Variants in STON2 observed in about 807,000 individuals in gnomAD.
The protein encoded by STON2 is stonin-2.
Under a neutral mutation model 65.7 loss-of-function variants are expected in STON2, and 29 were observed. That is an observed-to-expected ratio of 0.44 (90% CI 0.33 to 0.60). STON2 has a LOEUF of 0.60. Ranked by LOEUF, STON2 falls within the 20% of genes least tolerant of loss-of-function variation. The pLI is 0.03. For missense variants in STON2, 1,054 were observed against 1,118.1 expected (o/e 0.94, Z 0.82); for synonymous variants, 404 against 414.2 (o/e 0.98, Z 0.30).
chr14:81,283,939 C>T (rs992348311), intron 5 of STON2, among the ~76,000 whole-genome samples: 1 of 152,194 alleles, frequency 6.6e-6, no homozygotes, highest in African/African-American at 2.4e-5. Context: ...TGGTAATTCT[C>T]GCAACATTCA....
At chr14:81,349,220 G>C (rs1161848519) in intron 4 of STON2, among the ~76,000 whole-genome samples, 1 of 152,010 alleles carries the variant, frequency 6.6e-6, no homozygotes, top group Non-Finnish European at 1.5e-5. Context: ...ATAGGCAACA[G>C]AAGCAAAAAT....
chr14:81,281,709 C>T lies in STON2; in HGVS notation c.743-2970G>A, dbSNP rs184365749. The stretch of plus-strand genomic sequence containing the variant: ...AAAGGCCTTTGTCCCTACTGAAGAT[C>T]ATTTTCTTACAATAAATTCCTTTTC... On this transcript the variant is annotated intron_variant, in intron 5 of 7. Transcript: ENST00000614646. Among the ~76,000 whole-genome samples, 158 of 152,292 alleles carry T rather than the reference C, an allele frequency of 1.0e-3. 1 individual carries two copies. The Middle Eastern group carries it at 0.014, about 13-fold the overall frequency.
Position 81,429,821 on chromosome 14 carries a change from G to A in STON2, c.-309-2609C>T, listed in dbSNP as rs143906305. 2.4e-4 allele frequency among the ~76,000 whole-genome samples: 37 copies of A among 151,984 alleles called. 1 individual carries two copies. The East Asian group carries it at 6.8e-3, about 28-fold the overall frequency. ...GTGATGGTGGGCGCCTGTAATCCCC[G>A]CTACTCGGCAGGCTGAGGCAGGAGA... On this transcript the variant is annotated intron_variant, in intron 1 of 8. Transcript: ENST00000553821.
At chr14:81,302,376 G>A (rs1043530106) in intron 5 of STON2, among the ~76,000 whole-genome samples, 3 of 152,228 alleles carry the variant, frequency 2.0e-5, no homozygotes, top group Non-Finnish European at 4.4e-5. Context: ...GTGATGGAAA[G>A]TCTCACTTGG....
At chr14:81,281,123 C>G (rs1178010388) in intron 5 of STON2, among the ~76,000 whole-genome samples, 6 of 151,836 alleles carry the variant, frequency 4.0e-5, no homozygotes, top group Non-Finnish European at 8.8e-5. Flanking sequence ...GAGCGAAAAG[C>G]ATTTTCTATA....
At chr14:81,318,429 G>C (rs1215108732) in intron 5 of STON2, among the ~76,000 whole-genome samples, 1 of 152,106 alleles carries the variant, frequency 6.6e-6, no homozygotes, top group Non-Finnish European at 1.5e-5. Context: ...TTCCAAAGCA[G>C]GAAAAAATGC....
chr14:81,396,286 A>G, intron 2 of STON2, 108 bp from the exon 3 acceptor site: 1 of 1,020,946 alleles, frequency 9.8e-7, no homozygotes, highest in Non-Finnish European at 1.4e-6. Flanking sequence ...ATGACTCGCC[A>G]CTGCAGTGAG....
intron 2 of STON2, among the ~76,000 whole-genome samples, chr14:81,415,616 G>T (rs955672880): frequency 5.2e-5 from 7 of 134,902 alleles, no homozygotes; most frequent in African/African-American, 1.8e-4. Flanking sequence ...GTGGCAGTGA[G>T]CCAAGATCGC....
At chr14:81,280,736 C>A (rs1271033122) in intron 5 of STON2, among the ~76,000 whole-genome samples, 1 of 152,150 alleles carries the variant, frequency 6.6e-6, no homozygotes, top group Non-Finnish European at 1.5e-5. Context: ...CTAGGCCGGG[C>A]ACGGTGGCTC....
chr14:81,337,675 A>G (rs1162975058), intron 4 of STON2, among the ~76,000 whole-genome samples: 1 of 152,184 alleles, frequency 6.6e-6, no homozygotes, highest in African/African-American at 2.4e-5. Flanking sequence ...GAAAAAGCCT[A>G]AGACGTCAGC....
At chr14:81,429,463 T>A (rs914954090) in intron 1 of STON2, among the ~76,000 whole-genome samples, 4 of 152,222 alleles carry the variant, frequency 2.6e-5, no homozygotes, top group African/African-American at 9.6e-5. Flanking sequence ...TGCTTTCCTA[T>A]TAATACAATG....
intron 4 of STON2, among the ~76,000 whole-genome samples, chr14:81,360,531 G>A (rs572548285): frequency 6.6e-6 from 1 of 152,182 alleles, no homozygotes; most frequent in South Asian, 2.1e-4. Context: ...CCTTAACACA[G>A]TAAAGGCCAT....
chr14:81,420,622 C>A (rs1901658924), intron 2 of STON2, among the ~76,000 whole-genome samples: 1 of 152,018 alleles, frequency 6.6e-6, no homozygotes, highest in Non-Finnish European at 1.5e-5. Context: ...TGACACCTAG[C>A]CCAATTTGGG....
intron 5 of STON2, among the ~76,000 whole-genome samples, chr14:81,285,207 G>A (rs150584386): frequency 6.6e-5 from 10 of 152,320 alleles, no homozygotes; most frequent in Non-Finnish European, 1.5e-4. Context: ...GCCATAGATA[G>A]TAATTCCTCT....
chr14:81,386,884 T>C (rs889432915), intron 3 of STON2, among the ~76,000 whole-genome samples: 1 of 152,164 alleles, frequency 6.6e-6, no homozygotes, highest in Non-Finnish European at 1.5e-5. Flanking sequence ...ACTTGTAAAA[T>C]GTACGTACTT....
intron 4 of STON2, among the ~76,000 whole-genome samples, chr14:81,349,879 T>C (rs1897959100): frequency 6.6e-6 from 1 of 152,070 alleles, no homozygotes; most frequent in African/African-American, 2.4e-5. Context: ...ACATACACAA[T>C]GGAATATTAT....
At chr14:81,332,017 A>T (rs562006402) in intron 4 of STON2, among the ~76,000 whole-genome samples, 32 of 152,316 alleles carry the variant, frequency 2.1e-4, no homozygotes, top group African/African-American at 7.5e-4. Context: ...TGGGTCATAA[A>T]CATATTTATG....
intron 1 of STON2, among the ~76,000 whole-genome samples, chr14:81,429,295 A>G (rs1198173180): frequency 1.3e-5 from 2 of 152,254 alleles, no homozygotes; most frequent in Non-Finnish European, 2.9e-5. Context: ...CAGTTATTAT[A>G]GAAGCACCAG....
chr14:81,261,944 T>TAAAAAAAA lies in STON2; in HGVS notation c.*6462_*6469dup. On this transcript the variant is annotated 3_prime_UTR_variant, in exon 8 of 8. Coordinates refer to ENST00000614646, the MANE Select transcript of STON2 (RefSeq NM_001394390.1). ...CTGTTTCTGTTGTCTGGGGAAATGA[T>TAAAAAAAA]AAAAAAAAAAAAAAAAAAGAGAGAG... 1 of 1,194,868 alleles carries TAAAAAAAA rather than the reference T, an allele frequency of 8.4e-7. No homozygotes were observed. The highest frequency in any genetic ancestry group is 1.0e-6 in the Non-Finnish European group (1 of 959,414). 74.0% of individuals were successfully genotyped at this position (1,194,868 alleles called of 1,614,324 possible). A position where few individuals can be genotyped will look rare whatever the true frequency, so the allele number is the denominator to read the frequency against.
Sources: gnomAD v4.1 joint callset for allele counts (sites outside exome capture counted in the v4.1 genomes callset) on GRCh38, gnomAD v4.1.1 for gene constraint, MANE v1.5 for transcripts, NCBI Gene and HGNC (gene_info 2026-07-23, HGNC 2026-07-21) for gene names.